Variants in CNTNAP2 observed in about 807,000 individuals in gnomAD.
CNTNAP2 encodes contactin associated protein 2, also known as contactin-associated protein-like 2.
In CNTNAP2, 98 loss-of-function variants were observed where a neutral mutation model predicts 155.2. The observed-to-expected ratio is 0.63, with a 90% CI of 0.54 to 0.75. The LOEUF is 0.75. Among genes scored for constraint, CNTNAP2 ranks in the 30% least tolerant of loss-of-function variants. CNTNAP2 has a pLI of 0.00. For synonymous variants in CNTNAP2, 651 were observed against 631.2 expected (o/e 1.03, Z -0.47); for missense variants, 1,727 against 1,688.1 (o/e 1.02, Z -0.40).
At chr7:146,730,302 C>A (rs985965616) in intron 1 of CNTNAP2, among the ~76,000 whole-genome samples, 4 of 152,134 alleles carry the variant, frequency 2.6e-5, no homozygotes, top group Non-Finnish European at 5.9e-5. Flanking sequence ...CATTTAATAT[C>A]ACATTAACTT....
At chr7:146,593,822 C>T (rs1289705393) in intron 1 of CNTNAP2, among the ~76,000 whole-genome samples, 7 of 152,158 alleles carry the variant, frequency 4.6e-5, no homozygotes, top group African/African-American at 1.7e-4. Flanking sequence ...TCAACTAGGC[C>T]TGACTTTTAG....
intron 4 of CNTNAP2, among the ~76,000 whole-genome samples, chr7:147,091,799 A>T (rs1263693372): frequency 2.0e-5 from 3 of 151,846 alleles, no homozygotes; most frequent in African/African-American, 7.3e-5. Flanking sequence ...GTAGAGACGG[A>T]ATTTCACCAT....
Position 147,171,986 on chromosome 7 carries a change from A to T in CNTNAP2, c.1348+39477A>T, listed in dbSNP as rs1021974887. ...TTATTATATGCCCAGAATTTTCAAG[A>T]TACTATGCAAGACACTGTCGGGAAT... On this transcript the variant is annotated intron_variant, in intron 8 of 23. Transcript: ENST00000361727. 2.6e-5 allele frequency among the ~76,000 whole-genome samples: 4 copies of T among 152,304 alleles called. No homozygotes were observed. The East Asian group carries it at 5.8e-4, about 22-fold the overall frequency.
At chr7:146,571,877 G>A (rs1050779856) in intron 1 of CNTNAP2, among the ~76,000 whole-genome samples, 2 of 151,862 alleles carry the variant, frequency 1.3e-5, no homozygotes, top group African/African-American at 4.8e-5. Context: ...GATTACAGGC[G>A]CCCGCCACCA....
chr7:147,802,392 G>A (rs1329790028), intron 13 of CNTNAP2, among the ~76,000 whole-genome samples: 2 of 152,100 alleles, frequency 1.3e-5, no homozygotes, highest in African/African-American at 4.8e-5. Flanking sequence ...GGCAGAGGCT[G>A]CAATCTCGGC....
chr7:148,077,777 C>G (rs780471580), intron 15 of CNTNAP2, among the ~76,000 whole-genome samples: 6 of 152,112 alleles, frequency 3.9e-5, no homozygotes, highest in Non-Finnish European at 7.4e-5. Flanking sequence ...AAACAAGGAC[C>G]TTATTCAAGT....
chr7:146,823,913 C>T (rs1803347527), intron 2 of CNTNAP2, among the ~76,000 whole-genome samples: 3 of 151,946 alleles, frequency 2.0e-5, no homozygotes, highest in African/African-American at 7.2e-5. Context: ...GATACATGTG[C>T]AGAACATGCA....
intron 13 of CNTNAP2, among the ~76,000 whole-genome samples, chr7:147,699,446 G>A (rs1469104484): frequency 1.3e-5 from 2 of 152,050 alleles, no homozygotes; most frequent in Admixed American, 6.6e-5. Flanking sequence ...ACCGGGGCCT[G>A]TCGTGGGGTG....
At chr7:146,479,824 C>T (rs982140613) in intron 1 of CNTNAP2, among the ~76,000 whole-genome samples, 1 of 151,614 alleles carries the variant, frequency 6.6e-6, no homozygotes, top group Non-Finnish European at 1.5e-5. Flanking sequence ...TTGCTCTGTC[C>T]CCCGGGCTGG....
At chr7:147,196,617 G>A (rs756333153) in intron 8 of CNTNAP2, among the ~76,000 whole-genome samples, 35 of 152,250 alleles carry the variant, frequency 2.3e-4, no homozygotes, top group Admixed American at 3.9e-4. Flanking sequence ...TGAACACAAA[G>A]GAATAAAACC....
At chr7:146,503,743 A>C (rs75521431) in intron 1 of CNTNAP2, among the ~76,000 whole-genome samples, 1 of 152,220 alleles carries the variant, frequency 6.6e-6, no homozygotes, top group Non-Finnish European at 1.5e-5. Context: ...TGAGTTGGCT[A>C]TAAATGCATG....
At chr7:148,330,266 G>A (rs889758988) in intron 21 of CNTNAP2, among the ~76,000 whole-genome samples, 10 of 148,292 alleles carry the variant, frequency 6.7e-5, no homozygotes, top group South Asian at 6.3e-4. Context: ...GTGGACGGAT[G>A]GATGTAATGG....
chr7:147,716,130 A>C (rs1796478287), intron 13 of CNTNAP2, among the ~76,000 whole-genome samples: 2 of 152,182 alleles, frequency 1.3e-5, no homozygotes, highest in Non-Finnish European at 2.9e-5. Context: ...AAGTAACATA[A>C]TATAGCATGT....
chr7:148,057,429 A>G (rs529640615), intron 15 of CNTNAP2, among the ~76,000 whole-genome samples: 3 of 152,158 alleles, frequency 2.0e-5, no homozygotes, highest in Non-Finnish European at 4.4e-5. Context: ...ATGAGGTCTC[A>G]CTAAATTCGA....
intron 21 of CNTNAP2, among the ~76,000 whole-genome samples, chr7:148,331,752 G>A (rs971900074): frequency 9.7e-6 from 1 of 103,178 alleles, no homozygotes; most frequent in Non-Finnish European, 2.2e-5. Context: ...TGGATGGAAC[G>A]GACGGATGGA....
At position 146,837,121 on chromosome 7, in the gene CNTNAP2, C is replaced by T. The variant is rs866520500; in HGVS notation, c.209-2590C>T. ...ACATATCTGAGTTTATATATTTCAACCATTATTTCTTCAAACATATTTTAT... is the reference window on the plus strand; with the variant it reads ...ACATATCTGAGTTTATATATTTCAATCATTATTTCTTCAAACATATTTTAT... On this transcript the variant is annotated intron_variant, in intron 2 of 23. Transcript: ENST00000361727. Among the ~76,000 whole-genome samples the T allele has an allele frequency of 5.9e-5, 9 of 152,180 alleles. 1 individual carries two copies. The highest frequency in any genetic ancestry group is 2.2e-4 in the African/African-American group (9 of 41,536).
At chr7:146,888,769 A>G (rs573108504) in intron 3 of CNTNAP2, among the ~76,000 whole-genome samples, 2 of 152,260 alleles carry the variant, frequency 1.3e-5, no homozygotes, top group Admixed American at 6.5e-5. Context: ...ACACTATATG[A>G]TGTTACCTAC....
At chr7:147,363,936 T>C (rs1245498678) in intron 9 of CNTNAP2, among the ~76,000 whole-genome samples, 1 of 152,208 alleles carries the variant, frequency 6.6e-6, no homozygotes. Flanking sequence ...TAGACCTCGC[T>C]TGTTTCTGTC....
At chr7:146,449,600 T>C (rs1796448543) in intron 1 of CNTNAP2, among the ~76,000 whole-genome samples, 1 of 152,058 alleles carries the variant, frequency 6.6e-6, no homozygotes, top group African/African-American at 2.4e-5. Flanking sequence ...CATCTTGGAG[T>C]TGAACTGGTA....
Sources: allele counts gnomAD v4.1 joint callset (sites outside exome capture counted in the v4.1 genomes callset), GRCh38; gene constraint gnomAD v4.1.1; transcripts MANE v1.5; gene names NCBI Gene and HGNC (gene_info 2026-07-23, HGNC 2026-07-21).